Variants in FGF2 observed in about 807,000 individuals in gnomAD.
FGF2 encodes the protein fibroblast growth factor 2.
A neutral mutation model predicts 15.9 loss-of-function variants in FGF2; 13 were observed. The observed-to-expected ratio is 0.82, with a 90% CI of 0.53 to 1.30. The LOEUF (loss-of-function observed/expected upper bound fraction) is 1.30, where lower values mean the gene tolerates loss of function less well. Ranked by LOEUF, FGF2 falls within the 50% of genes most tolerant of loss-of-function variation. The probability of loss-of-function intolerance (pLI) is 0.00; values close to 1 mark genes in which losing one functional copy is unlikely to be tolerated. For synonymous variants in FGF2, 90 were observed against 78.4 expected (o/e 1.15, Z -0.78); for missense variants, 163 against 196.9 (o/e 0.83, Z 1.03).
At chr4:122,858,355 G>C (rs1414983628) in intron 1 of FGF2, among the ~76,000 whole-genome samples, 1 of 151,444 alleles carries the variant, frequency 6.6e-6, no homozygotes, top group Non-Finnish European at 1.5e-5. Context: ...AAGATGTAAA[G>C]TTTTTCATTT....
At chr4:122,847,639 A>ATCTATCTG (rs769189621) in intron 1 of FGF2, among the ~76,000 whole-genome samples, 1 of 135,526 alleles carries the variant, frequency 7.4e-6, no homozygotes, top group Non-Finnish European at 1.5e-5. Context: ...CTATCTATCT[A>ATCTATCTG]TCTGTCTATC....
chr4:122,870,735 C>T (rs1726713585), intron 1 of FGF2, among the ~76,000 whole-genome samples: 1 of 151,688 alleles, frequency 6.6e-6, no homozygotes, highest in Non-Finnish European at 1.5e-5. Flanking sequence ...TATTAGTCTA[C>T]CTAGTGGTCT....
chr4:122,827,221 G>A lies in FGF2; in HGVS notation c.47G>A (p.Gly16Asp), dbSNP rs1412760315. The change falls in exon 1 of 3, where the codon GGC (glycine) becomes GAC (aspartate). Residue 16 changes from glycine to aspartate, a missense_variant. Transcript: ENST00000644866. The surrounding 1 kb of genome is among the most constrained non-coding windows in gnomAD (Gnocchi z 4.2). The stretch of plus-strand genomic sequence containing the variant: ...ACGCTGCCCGCCTTGCCCGAGGATG[G>A]CGGCAGCGGCGCCTTCCCGCCCGGC... The part of the protein sequence containing the change: ...ITTLPALPED[G>D]GSGAFPPGHF... 1 of 1,610,620 alleles carries A rather than the reference G, an allele frequency of 6.2e-7. No individual in the cohort carries two copies. The highest frequency in any genetic ancestry group is 1.3e-5 in the African/African-American group (1 of 74,874).
At chr4:122,886,412 C>A (rs1400080987) in intron 2 of FGF2, among the ~76,000 whole-genome samples, 1 of 152,134 alleles carries the variant, frequency 6.6e-6, no homozygotes, top group East Asian at 1.9e-4. Context: ...CCTTTCCATA[C>A]TATACTGTTT....
chr4:122,874,680 C>A (rs1056588423), intron 1 of FGF2, among the ~76,000 whole-genome samples: 7 of 151,978 alleles, frequency 4.6e-5, no homozygotes, highest in Non-Finnish European at 7.4e-5. Flanking sequence ...AAGCTAATCC[C>A]AGATATTATG....
chr4:122,887,894 T>C (rs1016885499), intron 2 of FGF2, among the ~76,000 whole-genome samples: 7 of 152,180 alleles, frequency 4.6e-5, no homozygotes, highest in Non-Finnish European at 7.4e-5. Context: ...CATTATTGTA[T>C]ATAACACACT....
chr4:122,887,996 G>A (rs1727093319), intron 2 of FGF2, among the ~76,000 whole-genome samples: 2 of 152,190 alleles, frequency 1.3e-5, no homozygotes, highest in African/African-American at 4.8e-5. Flanking sequence ...TAAATGATGT[G>A]TCTGTTGCAT....
intron 1 of FGF2, among the ~76,000 whole-genome samples, chr4:122,856,757 C>A (rs759189549): frequency 7.2e-5 from 11 of 152,168 alleles, no homozygotes; most frequent in Admixed American, 6.5e-4. Flanking sequence ...AGTACAGTAT[C>A]ATAACCCAGA....
chr4:122,870,832 C>T (rs1726716069), intron 1 of FGF2, among the ~76,000 whole-genome samples: 1 of 151,896 alleles, frequency 6.6e-6, no homozygotes, highest in Non-Finnish European at 1.5e-5. Flanking sequence ...TTCAGTTCTT[C>T]TATGATCTTA....
chr4:122,883,382 C>G (rs1273170311), intron 2 of FGF2: 1 of 152,106 alleles, frequency 6.6e-6, no homozygotes, highest in Admixed American at 6.6e-5. Flanking sequence ...TTCAGGTTAC[C>G]GATTTTGTGT....
At chr4:122,889,235 A>T (rs1424603836) in intron 2 of FGF2, among the ~76,000 whole-genome samples, 1 of 152,200 alleles carries the variant, frequency 6.6e-6, no homozygotes, top group Non-Finnish European at 1.5e-5. Context: ...GTCAATAATC[A>T]TGCATTAAGG....
chr4:122,859,599 C>T (rs1726418874), intron 1 of FGF2, among the ~76,000 whole-genome samples: 2 of 151,918 alleles, frequency 1.3e-5, no homozygotes, highest in African/African-American at 4.8e-5. Flanking sequence ...GCAAAGCCAA[C>T]ATATTTGAGT....
chr4:122,868,735 C>T (rs959480653), intron 1 of FGF2, among the ~76,000 whole-genome samples: 4 of 152,222 alleles, frequency 2.6e-5, no homozygotes, highest in South Asian at 4.1e-4. Context: ...TTCCCACCAA[C>T]GGTGTTAAAG....
intron 2 of FGF2, among the ~76,000 whole-genome samples, chr4:122,879,713 C>T (rs1383592043): frequency 1.3e-5 from 2 of 152,100 alleles, no homozygotes; most frequent in Non-Finnish European, 2.9e-5. Context: ...TGGCGGAAGG[C>T]AAGGAAGAGC....
chr4:122,886,286 C>A (rs1727058268), intron 2 of FGF2, among the ~76,000 whole-genome samples: 1 of 152,052 alleles, frequency 6.6e-6, no homozygotes, highest in African/African-American at 2.4e-5. Flanking sequence ...AGTAAAGTAC[C>A]ATTTTTGTGG....
chr4:122,870,725 TA>T (rs548860459), intron 1 of FGF2, among the ~76,000 whole-genome samples: 22 of 152,320 alleles, frequency 1.4e-4, no homozygotes, highest in Middle Eastern at 3.4e-3. Context: ...TTTTCTTCTT[TA>T]TTAGTCTACC....
Position 122,827,627 on chromosome 4 carries a change from C to T in FGF2, c.178+275C>T, listed in dbSNP as rs542086639. On this transcript the variant is annotated intron_variant, in intron 1 of 2. Coordinates refer to ENST00000644866, the MANE Select transcript of FGF2 (RefSeq NM_001361665.2). The surrounding 1 kb of genome is among the most constrained non-coding windows in gnomAD (Gnocchi z 4.2). ...CCGGAGCCGCGGCGCGCCGGGGCCT[C>T]GCGGACTGGCTGTCTTCCCGCGGAC... Among the ~76,000 whole-genome samples, 9 of 152,262 alleles carry T rather than the reference C, an allele frequency of 5.9e-5. No individual in the cohort carries two copies. Among genetic ancestry groups the T allele is most frequent in the East Asian group, 3.9e-4 (2 of 5,152 alleles).
At chr4:122,856,417 C>T (rs528914046) in intron 1 of FGF2, among the ~76,000 whole-genome samples, 3 of 152,282 alleles carry the variant, frequency 2.0e-5, no homozygotes, top group Non-Finnish European at 4.4e-5. Flanking sequence ...TCTGCGGGCT[C>T]TTCTGCCCTT....
At chr4:122,829,178 C>G (rs1449515537) in intron 1 of FGF2, among the ~76,000 whole-genome samples, 1 of 152,104 alleles carries the variant, frequency 6.6e-6, no homozygotes, top group Non-Finnish European at 1.5e-5. Flanking sequence ...ACCACATTAC[C>G]ACCGTTGTAA....
Sources: allele counts gnomAD v4.1 joint callset (sites outside exome capture counted in the v4.1 genomes callset), GRCh38; gene constraint gnomAD v4.1.1; non-coding constraint Gnocchi (gnomAD v3.1); transcripts MANE v1.5; gene names NCBI Gene and HGNC (gene_info 2026-07-23, HGNC 2026-07-21).